KCNK1: variants seen among roughly 807,000 people sequenced by gnomAD.
The protein encoded by KCNK1 is potassium channel subfamily K member 1.
Under a neutral mutation model 22.2 loss-of-function variants are expected in KCNK1, and 10 were observed. That is an observed-to-expected ratio of 0.45 (90% CI 0.28 to 0.76). The LOEUF (loss-of-function observed/expected upper bound fraction) is 0.76, where lower values mean the gene tolerates loss of function less well. KCNK1 is among the 30% of genes least tolerant of loss of function. The pLI, the probability that KCNK1 is intolerant of heterozygous loss-of-function variation, is 0.14. For synonymous variants in KCNK1, 200 were observed against 186.4 expected (o/e 1.07, Z -0.60); for missense variants, 378 against 421.0 (o/e 0.90, Z 0.89).
chr1:233,637,408 C>T (rs1276597984), intron 1 of KCNK1: 1 of 152,034 alleles, frequency 6.6e-6, no homozygotes, highest in Non-Finnish European at 1.5e-5. Context: ...TGTCAGTTGG[C>T]ATCCATTTCT....
At chr1:233,654,252 G>C (rs1658250284) in intron 1 of KCNK1, among the ~76,000 whole-genome samples, 1 of 152,004 alleles carries the variant, frequency 6.6e-6, no homozygotes, top group South Asian at 2.1e-4. Context: ...ATGCATGCAG[G>C]GCTTAAAACT....
intron 1 of KCNK1, among the ~76,000 whole-genome samples, chr1:233,627,577 C>A (rs1358394083): frequency 6.6e-6 from 1 of 150,604 alleles, no homozygotes; most frequent in African/African-American, 2.4e-5. Flanking sequence ...AACAGTCTGT[C>A]GCCCACGGGC....
chr1:233,669,395 A>T (rs530987088), intron 2 of KCNK1, among the ~76,000 whole-genome samples: 1 of 152,224 alleles, frequency 6.6e-6, no homozygotes, highest in South Asian at 2.1e-4. Context: ...TTTAAAAAGC[A>T]ATCTACATAG....
At chr1:233,646,846 G>A (rs1358926268) in intron 1 of KCNK1, among the ~76,000 whole-genome samples, 1 of 152,170 alleles carries the variant, frequency 6.6e-6, no homozygotes, top group Non-Finnish European at 1.5e-5. Context: ...TCAGGGATTT[G>A]TGAAGATAGA....
Position 233,614,150 on chromosome 1 carries a change from C to CTTGGCTTTAGCT in KCNK1, c.-17_-16insTTTAGCTTTGGC. Reference sequence around the variant, plus strand: ...GCTCCGGCCGGTCTGCGGCGTTGGCCTTGGCGGCGGCGGTGGAGAAGATGC... The same window carrying CTTGGCTTTAGCT: ...GCTCCGGCCGGTCTGCGGCGTTGGCCTTGGCTTTAGCTTTGGCGGCGGCGGTGGAGAAGATGC... On this transcript the variant is annotated 5_prime_UTR_variant, in exon 1 of 3. Coordinates refer to ENST00000366621, the MANE Select transcript of KCNK1 (RefSeq NM_002245.4). 1 of 1,537,808 alleles carries CTTGGCTTTAGCT rather than the reference C, an allele frequency of 6.5e-7. No homozygotes were observed. The highest frequency in any genetic ancestry group is 1.2e-5 in the South Asian group (1 of 83,768).
chr1:233,631,161 T>G, intron 1 of KCNK1: 1 of 444,172 alleles, frequency 2.3e-6, no homozygotes, highest in Non-Finnish European at 4.7e-6. Flanking sequence ...TTGTCCATCA[T>G]CCACAGTCTA....
Position 233,660,039 on chromosome 1 carries a change from C to T in KCNK1, c.356-6556C>T, listed in dbSNP as rs894801960. Among the ~76,000 whole-genome samples, 5 of 152,302 alleles carry T rather than the reference C, an allele frequency of 3.3e-5. No individual in the cohort carries two copies. The East Asian group carries it at 9.7e-4, about 29-fold the overall frequency. On this transcript the variant is annotated intron_variant, in intron 1 of 2. Transcript: ENST00000366621. ...CAGGATATACTGTTAAAAGAAAACT[C>T]CTAACAGTAACCTCTGGAGAGAACT...
At chr1:233,643,323 T>A (rs1658035360) in intron 1 of KCNK1, among the ~76,000 whole-genome samples, 1 of 152,134 alleles carries the variant, frequency 6.6e-6, no homozygotes, top group African/African-American at 2.4e-5. Flanking sequence ...TGGGTACTAG[T>A]TGAAATAAAA....
chr1:233,622,308 C>T (rs1292175031), intron 1 of KCNK1, among the ~76,000 whole-genome samples: 4 of 152,192 alleles, frequency 2.6e-5, no homozygotes, highest in African/African-American at 4.8e-5. Flanking sequence ...CTCAGAGTTG[C>T]ACCTGCTGGC....
At position 233,619,815 on chromosome 1, in the gene KCNK1, C is replaced by T. The variant is rs180951979; in HGVS notation, c.355+5289C>T. ...ATCCCAGCTACTCGGGAGGCTAAGG[C>T]AGGAGAATTGCTTGAACCTGGGAGG... On this transcript the variant is annotated intron_variant, in intron 1 of 2. Transcript: ENST00000366621. Among the ~76,000 whole-genome samples the T allele has an allele frequency of 3.4e-3, 520 of 151,758 alleles. 2 individuals carry two copies. The highest frequency in any genetic ancestry group is 5.5e-3 in the Non-Finnish European group (372 of 67,960).
intron 1 of KCNK1, among the ~76,000 whole-genome samples, chr1:233,648,739 G>A (rs1012753259): frequency 6.6e-6 from 1 of 151,922 alleles, no homozygotes; most frequent in Non-Finnish European, 1.5e-5. Context: ...GCTGATTTTT[G>A]TATTTTTAGT....
At position 233,650,901 on chromosome 1, in the gene KCNK1, G is replaced by C. The variant is rs1249348923; in HGVS notation, c.356-15694G>C. ...ATGGACGCCACGTTTCCCTCCCGGGGGCACCAGAAGCCTTAGCAGGTGGCT... is the reference window on the plus strand; with the variant it reads ...ATGGACGCCACGTTTCCCTCCCGGGCGCACCAGAAGCCTTAGCAGGTGGCT... On this transcript the variant is annotated intron_variant, in intron 1 of 2. Transcript: ENST00000366621. 3.3e-5 allele frequency among the ~76,000 whole-genome samples: 5 copies of C among 152,310 alleles called. No individual in the cohort carries two copies. The South Asian group carries it at 1.0e-3, about 32-fold the overall frequency.
intron 1 of KCNK1, among the ~76,000 whole-genome samples, chr1:233,638,391 G>GT (rs1201067782): frequency 2.0e-5 from 3 of 148,838 alleles, no homozygotes; most frequent in Non-Finnish European, 4.4e-5. Context: ...TGTTTCTCTT[G>GT]TTTTTTGATG....
chr1:233,652,479 T>C (rs1658219533), intron 1 of KCNK1, among the ~76,000 whole-genome samples: 1 of 152,204 alleles, frequency 6.6e-6, no homozygotes, highest in South Asian at 2.1e-4. Context: ...AATAGGGATA[T>C]GCATACTTAT....
chr1:233,643,271 A>G (rs2102896540), intron 1 of KCNK1, among the ~76,000 whole-genome samples: 1 of 152,248 alleles, frequency 6.6e-6, no homozygotes, highest in Admixed American at 6.5e-5. Flanking sequence ...GGGGACTTAA[A>G]GAGTATAAGT....
At chr1:233,656,424 A>C (rs1658295724) in intron 1 of KCNK1, among the ~76,000 whole-genome samples, 1 of 152,144 alleles carries the variant, frequency 6.6e-6, no homozygotes, top group South Asian at 2.1e-4. Flanking sequence ...GTTAGACAAA[A>C]CTGGTTTCAG....
At chr1:233,646,729 A>G (rs1425167546) in intron 1 of KCNK1, among the ~76,000 whole-genome samples, 1 of 152,134 alleles carries the variant, frequency 6.6e-6, no homozygotes, top group Non-Finnish European at 1.5e-5. Flanking sequence ...TAGCAGTGAG[A>G]ATGTGGCATG....
chr1:233,655,223 TTTTC>T (rs1321392989), intron 1 of KCNK1, among the ~76,000 whole-genome samples: 1 of 152,212 alleles, frequency 6.6e-6, no homozygotes, highest in East Asian at 1.9e-4. Flanking sequence ...CTTTCTATTC[TTTTC>T]TTTCTTTTGA....
chr1:233,614,715 G>A (rs1458102167), intron 1 of KCNK1, among the ~76,000 whole-genome samples, 189 bp downstream of exon 1: 1 of 148,476 alleles, frequency 6.7e-6, no homozygotes, highest in African/African-American at 2.5e-5. Context: ...TGGCGTCCCC[G>A]GCCTCTGCCT....
Sources: gnomAD v4.1 joint callset for allele counts (sites outside exome capture counted in the v4.1 genomes callset) on GRCh38, gnomAD v4.1.1 for gene constraint, MANE v1.5 for transcripts, NCBI Gene and HGNC (gene_info 2026-07-23, HGNC 2026-07-21) for gene names.